Variants in SEPTIN11 observed in about 807,000 individuals in gnomAD.
The protein encoded by SEPTIN11 is septin 11, also known as septin-11.
Under a neutral mutation model 51.4 loss-of-function variants are expected in SEPTIN11, and 25 were observed. The observed-to-expected ratio is 0.49, with a 90% CI of 0.35 to 0.68. The LOEUF (loss-of-function observed/expected upper bound fraction) is 0.68. Among genes scored for constraint, SEPTIN11 ranks in the 30% least tolerant of loss-of-function variants. The probability of loss-of-function intolerance (pLI) is 0.00; values close to 1 mark genes in which losing one functional copy is unlikely to be tolerated. For synonymous variants in SEPTIN11, 174 were observed against 184.1 expected (o/e 0.95, Z 0.44); for missense variants, 381 against 520.8 (o/e 0.73, Z 2.61).
At chr4:77,022,910 G>A (rs1725821723) in intron 7 of SEPTIN11, among the ~76,000 whole-genome samples, 1 of 145,578 alleles carries the variant, frequency 6.9e-6, no homozygotes, top group Non-Finnish European at 1.5e-5. Flanking sequence ...TCTTGACTGG[G>A]TTCCTTAGGA....
intron 1 of SEPTIN11, among the ~76,000 whole-genome samples, chr4:76,981,700 G>A (rs1302705191): frequency 6.6e-6 from 1 of 151,994 alleles, no homozygotes; most frequent in East Asian, 1.9e-4. Context: ...AACTTGTAGC[G>A]GTAACAAATA....
chr4:77,008,591 A>T (rs1047520619), intron 3 of SEPTIN11, among the ~76,000 whole-genome samples: 3 of 152,228 alleles, frequency 2.0e-5, no homozygotes, highest in Non-Finnish European at 4.4e-5. Context: ...GCCATTTTGC[A>T]AGAATGATCA....
intron 5 of SEPTIN11, among the ~76,000 whole-genome samples, chr4:77,017,536 G>C (rs1725387418): frequency 6.6e-6 from 1 of 152,158 alleles, no homozygotes; most frequent in Non-Finnish European, 1.5e-5. Flanking sequence ...AGACTTGTTT[G>C]AGAAAGATAA....
Position 77,035,809 on chromosome 4 carries a change from T to C in SEPTIN11, c.*1297T>C. 14 of 985,850 alleles carry C rather than the reference T, an allele frequency of 1.4e-5. No individual in the cohort carries two copies. The highest frequency in any genetic ancestry group is 1.7e-5 in the Non-Finnish European group (14 of 829,928). 61.1% of individuals were successfully genotyped at this position (985,850 alleles called of 1,614,324 possible). A position where few individuals can be genotyped will look rare whatever the true frequency, so the allele number is the denominator to read the frequency against. The stretch of plus-strand genomic sequence containing the variant: ...TGCCTAATTTGTATGGAAGAGTGCA[T>C]ATTTAATCTCTTTTCTATACTGCTC... On this transcript the variant is annotated 3_prime_UTR_variant, in exon 10 of 10. Coordinates refer to ENST00000264893, the MANE Select transcript of SEPTIN11 (RefSeq NM_018243.4).
At chr4:76,963,475 G>A (rs111682573) in intron 1 of SEPTIN11, among the ~76,000 whole-genome samples, 36 of 152,290 alleles carry the variant, frequency 2.4e-4, no homozygotes, top group African/African-American at 7.7e-4. Context: ...CAAGTCTTCC[G>A]ACTGTTGTTT....
At chr4:77,031,867 T>G (rs1726664891) in intron 9 of SEPTIN11, 1 of 152,212 alleles carries the variant, frequency 6.6e-6, no homozygotes, top group African/African-American at 2.4e-5. Flanking sequence ...CTATTTAATA[T>G]AAAGCAACTC....
rs944315534 is a variant in SEPTIN11 at position 77,016,496 on chromosome 4, A to G, written c.687+1479A>G. On this transcript the variant is annotated intron_variant, in intron 5 of 9. Transcript: ENST00000264893. ...ATACAAAATATATATATATATGTGT[A>G]TATATATAGCATATATATATATTTT... 4.7e-4 allele frequency among the ~76,000 whole-genome samples: 69 copies of G among 146,034 alleles called. 1 individual carries two copies. Among genetic ancestry groups the G allele is most frequent in the Non-Finnish European group, 8.2e-4 (55 of 66,826 alleles).
chr4:76,996,185 T>A (rs896526327), intron 1 of SEPTIN11, among the ~76,000 whole-genome samples: 3 of 152,184 alleles, frequency 2.0e-5, no homozygotes, highest in African/African-American at 7.2e-5. Flanking sequence ...AGTACACTTG[T>A]AACAAGGAAT....
chr4:77,016,633 C>CATATATATAT lies in SEPTIN11; in HGVS notation c.687+1630_687+1639dup, dbSNP rs1234653472. On this transcript the variant is annotated intron_variant, in intron 5 of 9. Transcript: ENST00000264893. ...ATATACACATATATATATATATACA[C>CATATATATAT]ATATATATATATATATATATATACA... Among the ~76,000 whole-genome samples, 215 of 72,702 alleles carry CATATATATAT rather than the reference C, an allele frequency of 3.0e-3. 17 individuals carry two copies. The highest frequency in any genetic ancestry group is 0.013 in the Middle Eastern group (2 of 150). The allele number at this position is 72,702 out of a possible 152,430, so 47.7% of individuals were successfully genotyped here. A position where few individuals can be genotyped will look rare whatever the true frequency, so the allele number is the denominator to read the frequency against.
At chr4:76,971,186 A>G (rs1420937417) in intron 1 of SEPTIN11, among the ~76,000 whole-genome samples, 1 of 152,234 alleles carries the variant, frequency 6.6e-6, no homozygotes, top group Non-Finnish European at 1.5e-5. Context: ...GGGAAAGACT[A>G]TACAAGGTGC....
chr4:76,991,050 A>G (rs909883219), intron 1 of SEPTIN11, among the ~76,000 whole-genome samples: 1 of 152,102 alleles, frequency 6.6e-6, no homozygotes, highest in Non-Finnish European at 1.5e-5. Context: ...TACCTTATTC[A>G]TATGTCCGAG....
intron 1 of SEPTIN11, among the ~76,000 whole-genome samples, chr4:76,977,406 T>C (rs1722552934): frequency 6.6e-6 from 1 of 152,186 alleles, no homozygotes; most frequent in Admixed American, 6.5e-5. Flanking sequence ...TGAGTGTAAT[T>C]AAAATGCCTT....
chr4:76,988,543 C>T (rs766800618), intron 1 of SEPTIN11, among the ~76,000 whole-genome samples: 1 of 152,228 alleles, frequency 6.6e-6, no homozygotes. Flanking sequence ...GTATATCACT[C>T]TGTCACCCAG....
At chr4:76,989,603 C>T (rs943879051) in intron 1 of SEPTIN11, among the ~76,000 whole-genome samples, 2 of 152,090 alleles carry the variant, frequency 1.3e-5, no homozygotes, top group African/African-American at 2.4e-5. Context: ...TTCAGTAGAC[C>T]CAGGGCTGGA....
chr4:76,986,489 T>C, intron 1 of SEPTIN11, among the ~76,000 whole-genome samples: 1 of 152,206 alleles, frequency 6.6e-6, no homozygotes, highest in East Asian at 1.9e-4. Context: ...TGACAAAAGA[T>C]AAATATGTTA....
chr4:76,971,977 C>T (rs952871069), intron 1 of SEPTIN11, among the ~76,000 whole-genome samples: 1 of 152,134 alleles, frequency 6.6e-6, no homozygotes, highest in Admixed American at 6.5e-5. Flanking sequence ...CTAAAGATGG[C>T]CGGTGGATCC....
Position 77,036,169 on chromosome 4 carries a change from T to C in SEPTIN11, c.*1657T>C. ...ATTAAGCAAAGTAAGGAAATTAGTT[T>C]CATGGAAGCCTAAACAAAGCTGGAA... On this transcript the variant is annotated 3_prime_UTR_variant, in exon 10 of 10. Transcript: ENST00000264893. The C allele has an allele frequency of 2.0e-6, 2 of 987,128 alleles. No homozygotes were observed. The highest frequency in any genetic ancestry group is 4.7e-5 in the South Asian group (1 of 21,402). 61.1% of individuals were successfully genotyped at this position (987,128 alleles called of 1,614,324 possible). A position where few individuals can be genotyped will look rare whatever the true frequency, so the allele number is the denominator to read the frequency against.
intron 1 of SEPTIN11, among the ~76,000 whole-genome samples, chr4:76,978,557 C>T (rs1722611289): frequency 6.6e-6 from 1 of 152,174 alleles, no homozygotes; most frequent in Non-Finnish European, 1.5e-5. Context: ...ACTCCTGGCC[C>T]TACCACTTAC....
intron 1 of SEPTIN11, among the ~76,000 whole-genome samples, chr4:76,969,741 A>T (rs1177329588): frequency 1.3e-5 from 2 of 152,184 alleles, no homozygotes; most frequent in African/African-American, 2.4e-5. Flanking sequence ...ACAGCAACAT[A>T]GTAATGGGAT....
Sources: allele counts gnomAD v4.1 joint callset (sites outside exome capture counted in the v4.1 genomes callset), GRCh38; gene constraint gnomAD v4.1.1; transcripts MANE v1.5; gene names NCBI Gene and HGNC (gene_info 2026-07-23, HGNC 2026-07-21).